GALNT13: variants seen among roughly 807,000 people sequenced by gnomAD.
GALNT13 encodes UDP-GalNAc:polypeptide N-acetylgalactosaminyltransferase 13.
In GALNT13, 28 loss-of-function variants were observed where a neutral mutation model predicts 64.2. The ratio of observed to expected loss-of-function variants is 0.44; its 90% CI spans 0.32 to 0.60. The LOEUF (loss-of-function observed/expected upper bound fraction) is 0.60, where lower values mean the gene tolerates loss of function less well. GALNT13 is among the 20% of genes least tolerant of loss of function. The probability of loss-of-function intolerance (pLI) is 0.05; values close to 1 mark genes in which losing one functional copy is unlikely to be tolerated. For synonymous variants in GALNT13, 214 were observed against 224.6 expected (o/e 0.95, Z 0.42); for missense variants, 577 against 669.8 (o/e 0.86, Z 1.53).
the GALNT13 span, among the ~76,000 whole-genome samples, chr2:153,242,708 T>G: frequency 6.6e-6 from 1 of 152,226 alleles, no homozygotes; most frequent in African/African-American, 2.4e-5. Context: ...AAAAAGTGTT[T>G]CTTCTCAGTC....
chr2:153,483,252 A>G, the GALNT13 span, among the ~76,000 whole-genome samples: 2 of 152,108 alleles, frequency 1.3e-5, no homozygotes, highest in African/African-American at 4.8e-5. Flanking sequence ...GAAATCATGT[A>G]CTTAAACAGG....
intron 3 of GALNT13, among the ~76,000 whole-genome samples, chr2:154,088,587 G>A (rs1486769618): frequency 6.6e-6 from 1 of 152,122 alleles, no homozygotes; most frequent in Non-Finnish European, 1.5e-5. Context: ...AAGTAGTTGG[G>A]ATTACAGGTG....
intron 8 of GALNT13, among the ~76,000 whole-genome samples, chr2:154,273,364 A>G (rs1691458342): frequency 6.6e-6 from 1 of 152,302 alleles, no homozygotes; most frequent in South Asian, 2.1e-4. Context: ...GGCCTTATGC[A>G]GCTATGAAGT....
At chr2:153,125,194 C>T in the GALNT13 span, among the ~76,000 whole-genome samples, 1 of 152,108 alleles carries the variant, frequency 6.6e-6, no homozygotes, top group Non-Finnish European at 1.5e-5. Context: ...ACCTTATGCC[C>T]AAGGTCAGGC....
chr2:153,240,679 A>G, the GALNT13 span, among the ~76,000 whole-genome samples: 2 of 152,074 alleles, frequency 1.3e-5, no homozygotes, highest in African/African-American at 4.8e-5. Flanking sequence ...GGCGAGGTTT[A>G]TGTAACTGCA....
the GALNT13 span, among the ~76,000 whole-genome samples, chr2:153,795,932 A>T: frequency 6.6e-6 from 1 of 152,194 alleles, no homozygotes; most frequent in Admixed American, 6.5e-5. Context: ...GTGTTCTCTT[A>T]GAATTAGTAC....
intron 9 of GALNT13, among the ~76,000 whole-genome samples, chr2:154,357,807 A>T (rs377660834): frequency 6.6e-6 from 1 of 152,084 alleles, no homozygotes; most frequent in Non-Finnish European, 1.5e-5. Flanking sequence ...CTTTCAGTGT[A>T]TGCTTCATGG....
At chr2:154,362,868 G>A (rs987946636) in intron 9 of GALNT13, among the ~76,000 whole-genome samples, 3 of 152,038 alleles carry the variant, frequency 2.0e-5, no homozygotes, top group African/African-American at 7.2e-5. Context: ...ATTAGCGTAG[G>A]TCAACCTTTC....
chr2:153,816,698 T>A, the GALNT13 span, among the ~76,000 whole-genome samples: 1 of 152,338 alleles, frequency 6.6e-6, no homozygotes, highest in South Asian at 2.1e-4. Context: ...AGAAGGCTGC[T>A]ACTTTTGAGT....
chr2:153,196,349 AG>A, the GALNT13 span, among the ~76,000 whole-genome samples: 2 of 152,088 alleles, frequency 1.3e-5, no homozygotes, highest in Admixed American at 6.5e-5. Flanking sequence ...CAAAGTCTAG[AG>A]GGGGCCAAGG....
chr2:153,100,194 TAAAAACCAAAAC>T, the GALNT13 span, among the ~76,000 whole-genome samples: 1 of 152,086 alleles, frequency 6.6e-6, no homozygotes, highest in African/African-American at 2.4e-5. Context: ...ATTAAGTAAA[TAAAAACCAAAAC>T]AAAAACCAAA....
At chr2:153,147,156 G>GAA in the GALNT13 span, among the ~76,000 whole-genome samples, 2 of 150,340 alleles carry the variant, frequency 1.3e-5, no homozygotes, top group Admixed American at 6.6e-5. Context: ...GGGCAAAAAA[G>GAA]AAAAAAAAAG....
the GALNT13 span, among the ~76,000 whole-genome samples, chr2:153,505,568 G>T: frequency 6.6e-5 from 10 of 152,030 alleles, no homozygotes; most frequent in Admixed American, 2.0e-4. Context: ...CACTATTATT[G>T]CTCAGTTCAA....
intron 8 of GALNT13, among the ~76,000 whole-genome samples, chr2:154,265,970 C>T (rs779457561): frequency 7.9e-5 from 12 of 152,232 alleles, no homozygotes; most frequent in South Asian, 2.1e-4. Context: ...TTCAAAAATC[C>T]ATCAAGGTAA....
chr2:153,628,717 G>A, the GALNT13 span, among the ~76,000 whole-genome samples: 6 of 152,148 alleles, frequency 3.9e-5, no homozygotes, highest in South Asian at 2.1e-4. Flanking sequence ...TGGTGAATAA[G>A]CTTTTTGATG....
the GALNT13 span, among the ~76,000 whole-genome samples, chr2:153,069,232 TTCC>T: frequency 6.6e-6 from 1 of 152,208 alleles, no homozygotes; most frequent in African/African-American, 2.4e-5. Flanking sequence ...TGCTGCATTT[TTCC>T]TTCTAGAAAG....
the GALNT13 span, among the ~76,000 whole-genome samples, chr2:153,532,112 C>G: frequency 6.6e-6 from 1 of 152,082 alleles, no homozygotes; most frequent in African/African-American, 2.4e-5. Flanking sequence ...GCTCCAACCA[C>G]ACATTTTCCC....
the GALNT13 span, among the ~76,000 whole-genome samples, chr2:153,352,267 G>A: frequency 6.6e-6 from 1 of 152,080 alleles, no homozygotes; most frequent in African/African-American, 2.4e-5. Flanking sequence ...TAAGTGAGGT[G>A]CCTGTTAAGG....
the GALNT13 span, among the ~76,000 whole-genome samples, chr2:153,362,299 A>G: frequency 6.6e-6 from 1 of 151,938 alleles, no homozygotes; most frequent in Non-Finnish European, 1.5e-5. Context: ...ACACTATGAC[A>G]CTACGAAGAA....
Sources: gnomAD v4.1 joint callset for allele counts (sites outside exome capture counted in the v4.1 genomes callset) on GRCh38, gnomAD v4.1.1 for gene constraint, MANE v1.5 for transcripts, NCBI Gene and HGNC (gene_info 2026-07-23, HGNC 2026-07-21) for gene names.